Variants in C1orf21 observed in about 807,000 individuals in gnomAD.
The protein encoded by C1orf21 is uncharacterized protein C1orf21.
In C1orf21, 3 loss-of-function variants were observed where a neutral mutation model predicts 18.7. The ratio of observed to expected loss-of-function variants is 0.16; its 90% confidence interval spans 0.07 to 0.42. C1orf21 has a LOEUF of 0.42. Ranked by LOEUF, C1orf21 falls within the 10% of genes least tolerant of loss-of-function variation. The pLI is 0.99. For synonymous variants in C1orf21, 41 were observed against 46.4 expected, an observed-to-expected ratio of 0.88 and a Z score of 0.47; for missense variants, 104 against 143.6, an observed-to-expected ratio of 0.72 and a Z score of 1.41.
intron 3 of C1orf21, among the ~76,000 whole-genome samples, chr1:184,581,699 G>T (rs1239205274): frequency 1.3e-5 from 2 of 151,908 alleles, no homozygotes. Context: ...TAAATTTGTT[G>T]GTATGCAATT....
At chr1:184,417,046 A>G (rs1031591559) in intron 1 of C1orf21, among the ~76,000 whole-genome samples, 16 of 152,154 alleles carry the variant, frequency 1.1e-4, no homozygotes, top group African/African-American at 3.6e-4. Context: ...TCCTTCAAGG[A>G]AGGAATGATT....
intron 1 of C1orf21, among the ~76,000 whole-genome samples, chr1:184,472,392 T>C (rs1657508457): frequency 6.6e-6 from 1 of 152,186 alleles, no homozygotes; most frequent in Admixed American, 6.5e-5. Flanking sequence ...CTTTTTGGCC[T>C]AGAATTTCTT....
chr1:184,460,652 C>A lies in C1orf21; in HGVS notation c.-124-16734C>A, dbSNP rs927167927. ...TCTTCTTCTTCTTCTTCTTCTTCTTCTTCTTCTTCTTCTTCTTCTTCTTCT... is the reference window on the plus strand; with the variant it reads ...TCTTCTTCTTCTTCTTCTTCTTCTTATTCTTCTTCTTCTTCTTCTTCTTCT... On this transcript the variant is annotated intron_variant, in intron 1 of 5. Transcript: ENST00000235307. 9.4e-4 allele frequency among the ~76,000 whole-genome samples: 137 copies of A among 145,942 alleles called. 1 individual carries two copies. Among genetic ancestry groups the A allele is most frequent in the African/African-American group, 3.3e-3 (129 of 39,410 alleles).
At chr1:184,407,910 C>T (rs1416507302) in intron 1 of C1orf21, among the ~76,000 whole-genome samples, 1 of 152,144 alleles carries the variant, frequency 6.6e-6, no homozygotes, top group Non-Finnish European at 1.5e-5. Context: ...TTGAAAAGGT[C>T]CCATGGTCTG....
chr1:184,423,814 C>A (rs1338848568), intron 1 of C1orf21, among the ~76,000 whole-genome samples: 1 of 151,984 alleles, frequency 6.6e-6, no homozygotes, highest in Non-Finnish European at 1.5e-5. Flanking sequence ...CTTCTTCCAT[C>A]CATCCATCTA....
At chr1:184,604,249 A>G (rs1659621666) in intron 5 of C1orf21, among the ~76,000 whole-genome samples, 1 of 152,178 alleles carries the variant, frequency 6.6e-6, no homozygotes, top group African/African-American at 2.4e-5. Context: ...CTTAGTGCCC[A>G]CCAATGATAA....
intron 1 of C1orf21, among the ~76,000 whole-genome samples, chr1:184,444,710 T>C (rs1217977026): frequency 6.6e-6 from 1 of 152,126 alleles, no homozygotes; most frequent in Non-Finnish European, 1.5e-5. Flanking sequence ...TATCCTTCTG[T>C]CCATCTCACA....
intron 2 of C1orf21, among the ~76,000 whole-genome samples, chr1:184,481,514 C>T (rs1245630156): frequency 6.6e-6 from 1 of 152,136 alleles, no homozygotes; most frequent in African/African-American, 2.4e-5. Context: ...GACCACAGTG[C>T]ATTTACAGCA....
At chr1:184,411,650 C>T (rs1365023005) in intron 1 of C1orf21, among the ~76,000 whole-genome samples, 1 of 152,072 alleles carries the variant, frequency 6.6e-6, no homozygotes. Context: ...TCTGGATCTC[C>T]TGACCTCGTG....
At chr1:184,510,007 C>G (rs1046105449) in intron 3 of C1orf21, among the ~76,000 whole-genome samples, 1 of 152,108 alleles carries the variant, frequency 6.6e-6, no homozygotes, top group Non-Finnish European at 1.5e-5. Context: ...AGATGATAGT[C>G]GTAAGACTGA....
chr1:184,549,218 C>A (rs1029195255), intron 3 of C1orf21, among the ~76,000 whole-genome samples: 2 of 152,092 alleles, frequency 1.3e-5, no homozygotes, highest in Non-Finnish European at 2.9e-5. Context: ...TTGTCATCTG[C>A]AAAATGGTTT....
intron 1 of C1orf21, chr1:184,412,189 T>G (rs1656365783): frequency 6.6e-6 from 1 of 152,222 alleles, no homozygotes. Flanking sequence ...CAGGTTTAAT[T>G]TCTACTTAGT....
chr1:184,582,886 T>A (rs1419691370), intron 3 of C1orf21, among the ~76,000 whole-genome samples: 1 of 152,196 alleles, frequency 6.6e-6, no homozygotes, highest in African/African-American at 2.4e-5. Context: ...TCACCCAGAC[T>A]GGAGTGCAAG....
chr1:184,480,444 C>T (rs918245913), intron 2 of C1orf21, among the ~76,000 whole-genome samples: 7 of 152,110 alleles, frequency 4.6e-5, no homozygotes, highest in Non-Finnish European at 8.8e-5. Context: ...ATATTCAATA[C>T]GTTGTGCTTA....
At chr1:184,530,242 A>C (rs1658440364) in intron 3 of C1orf21, among the ~76,000 whole-genome samples, 1 of 152,190 alleles carries the variant, frequency 6.6e-6, no homozygotes, top group Non-Finnish European at 1.5e-5. Context: ...ACTAAATCTC[A>C]GTTATTTAGC....
chr1:184,439,674 G>A (rs1656914896), intron 1 of C1orf21, among the ~76,000 whole-genome samples: 2 of 152,196 alleles, frequency 1.3e-5, no homozygotes, highest in Admixed American at 6.5e-5. Context: ...ATTATGGCTG[G>A]GCACAGTGGC....
In C1orf21 at chr1:184,620,661, G is replaced by C. The variant is rs1159705338; in HGVS notation, c.*1105G>C. Reference sequence around the variant, plus strand: ...CACACTAGACATAGCAAAAGTGTTTGCCTACTCAAAAACATAATACTTTTA... The same window carrying C: ...CACACTAGACATAGCAAAAGTGTTTCCCTACTCAAAAACATAATACTTTTA... On this transcript the variant is annotated 3_prime_UTR_variant, in exon 6 of 6. Coordinates refer to ENST00000235307, the MANE Select transcript of C1orf21 (RefSeq NM_030806.4). The C allele has an allele frequency of 6.6e-6, 1 of 152,566 alleles. No homozygotes were observed. Among genetic ancestry groups the C allele is most frequent in the Non-Finnish European group, 1.5e-5 (1 of 68,032 alleles). 9.5% of individuals were successfully genotyped at this position (152,566 alleles called of 1,614,324 possible). A position where few individuals can be genotyped will look rare whatever the true frequency, so the allele number is the denominator to read the frequency against.
intron 1 of C1orf21, among the ~76,000 whole-genome samples, chr1:184,430,900 G>C (rs566792925): frequency 6.6e-6 from 1 of 152,268 alleles, no homozygotes; most frequent in African/African-American, 2.4e-5. Context: ...TCACGATATT[G>C]ATTCTTCCTA....
chr1:184,509,183 T>G (rs1658109635), intron 3 of C1orf21, among the ~76,000 whole-genome samples: 1 of 152,140 alleles, frequency 6.6e-6, no homozygotes. Context: ...AAGCAACACC[T>G]TGTATAGTTT....
Sources: gnomAD v4.1 joint callset for allele counts (sites outside exome capture counted in the v4.1 genomes callset) on GRCh38, gnomAD v4.1.1 for gene constraint, MANE v1.5 for transcripts, NCBI Gene and HGNC (gene_info 2026-07-23, HGNC 2026-07-21) for gene names.